The following NDEL1 variants were observed in gnomAD, a reference collection of about 807,000 sequenced individuals.
NDEL1 encodes nudE neurodevelopment protein 1 like 1.
NDEL1 carries 9 observed loss-of-function variants against 45.7 expected under a neutral mutation model. The ratio of observed to expected loss-of-function variants is 0.20; its 90% confidence interval spans 0.12 to 0.34. The LOEUF (loss-of-function observed/expected upper bound fraction) is 0.34, where lower values mean the gene tolerates loss of function less well. Among genes scored for constraint, NDEL1 ranks in the 10% least tolerant of loss-of-function variants. NDEL1 has a pLI of 1.00. For synonymous variants in NDEL1, 133 were observed against 158.6 expected, an observed-to-expected ratio of 0.84 and a Z score of 1.21; for missense variants, 306 against 406.2, an observed-to-expected ratio of 0.75 and a Z score of 2.12.
Position 8,418,842 on chromosome 17 carries a change from T to C in NDEL1, c.-13+5573T>C, listed in dbSNP as rs79930702. Among the ~76,000 whole-genome samples the C allele has an allele frequency of 4.0e-5, 6 of 148,332 alleles. No individual in the cohort carries two copies. In the East Asian group the frequency reaches 1.2e-3, roughly 31 times the overall value. ...CTTCCTCTCTCTCTCTCTCTTTCTC[T>C]TTCTCTCTCTTCTTTTTTATTTTTT... On this transcript the variant is annotated intron_variant, in intron 1 of 4. Coordinates refer to the NDEL1 transcript ENST00000582812.
Position 8,467,583 on chromosome 17 carries a change from A to C in NDEL1, c.*560A>C. On this transcript the variant is annotated 3_prime_UTR_variant, in exon 9 of 9. Coordinates refer to ENST00000334527, the MANE Select transcript of NDEL1 (RefSeq NM_030808.5). The surrounding 1 kb of genome is among the most constrained non-coding windows in gnomAD (Gnocchi z 6.3). ...TTTCTGCACCTTCTGATTTTACTTA[A>C]GCAGCTACCATTCCATGGACTTGCC... is the stretch of plus-strand genomic sequence containing the variant. 1 of 181,414 alleles carries C rather than the reference A, an allele frequency of 5.5e-6. No homozygotes were observed. The highest frequency in any genetic ancestry group is 1.4e-4 in the East Asian group (1 of 7,222). The allele number at this position is 181,414 out of a possible 1,614,324, so 11.2% of individuals were successfully genotyped here. A position where few individuals can be genotyped will look rare whatever the true frequency, so the allele number is the denominator to read the frequency against.
rs1395487083 is a variant in NDEL1, at chr17:8,450,576, A to ATTT, written c.527-201_527-199dup. On this transcript the variant is annotated intron_variant, in intron 5 of 8. Coordinates refer to ENST00000334527, the MANE Select transcript of NDEL1 (RefSeq NM_030808.5). Reference sequence around the variant, plus strand: ...TAAGTAACTTCTCTCAGGTTATAGCATTTTTAAATTCTAAAAGATCATTTA... The same window carrying ATTT: ...TAAGTAACTTCTCTCAGGTTATAGCATTTTTTTTAAATTCTAAAAGATCATTTA... Among the ~76,000 whole-genome samples the ATTT allele has an allele frequency of 3.3e-5, 5 of 152,194 alleles. No homozygotes were observed. The South Asian group carries it at 1.0e-3, about 31-fold the overall frequency.
chr17:8,447,547 T>C (rs1910163111), intron 4 of NDEL1, among the ~76,000 whole-genome samples: 2 of 152,252 alleles, frequency 1.3e-5, no homozygotes, highest in Non-Finnish European at 2.9e-5. Flanking sequence ...TCATATCTTA[T>C]ACCTGGATTC....
chr17:8,424,587 C>T (rs760077664), intron 1 of NDEL1, among the ~76,000 whole-genome samples: 5 of 152,200 alleles, frequency 3.3e-5, no homozygotes, highest in Non-Finnish European at 7.3e-5. Context: ...CAGGAAGCAC[C>T]GCCTCCCGGG....
chr17:8,470,178 G>A (rs553661036), downstream of NDEL1, among the ~76,000 whole-genome samples: 82 of 152,244 alleles, frequency 5.4e-4, 1 homozygote, highest in African/African-American at 1.9e-3. This position sits in a 1 kb window ranked among gnomAD's most constrained non-coding sequence, Gnocchi z 4.2. Context: ...ATGCCGCTAC[G>A]TACCGTTTGC....
intron 1 of NDEL1, among the ~76,000 whole-genome samples, chr17:8,427,371 T>C (rs1189238334): frequency 7.9e-5 from 12 of 152,150 alleles, no homozygotes; most frequent in Non-Finnish European, 1.6e-4. Context: ...ATAGTGAGCA[T>C]TTTTGAATCG....
At chr17:8,414,646 G>A (rs1015635865) in intron 1 of NDEL1, among the ~76,000 whole-genome samples, 4 of 151,912 alleles carry the variant, frequency 2.6e-5, no homozygotes, top group Admixed American at 2.0e-4. Context: ...TAGCCTGGAC[G>A]ACAGAGCGAG....
intron 2 of NDEL1, chr17:8,444,564 ATAG>A (rs1201487854): frequency 2.3e-6 from 1 of 426,332 alleles, no homozygotes; most frequent in Non-Finnish European, 4.2e-6. Flanking sequence ...AATTATTAAA[ATAG>A]TAGGAAAACT....
upstream of NDEL1, chr17:8,435,827 C>T (rs1309070111): frequency 2.3e-6 from 1 of 444,180 alleles, no homozygotes; most frequent in Non-Finnish European, 4.5e-6. Flanking sequence ...CGTGCGCTGC[C>T]GCGCATGCTC....
At chr17:8,471,426 C>A (rs1248887769), downstream of NDEL1, among the ~76,000 whole-genome samples, 1 of 152,228 alleles carries the variant, frequency 6.6e-6, no homozygotes, top group Non-Finnish European at 1.5e-5. Flanking sequence ...TTGTGAGATA[C>A]AGGAGATGTG....
upstream of NDEL1, among the ~76,000 whole-genome samples, chr17:8,432,318 T>TATATAATATATATA (rs1491329750): frequency 4.0e-4 from 22 of 55,570 alleles, no homozygotes; most frequent in East Asian, 5.8e-4. Flanking sequence ...TATATATATA[T>TATATAATATATATA]TTATATATAA....
chr17:8,430,475 C>T (rs1247108450), intron 1 of NDEL1, among the ~76,000 whole-genome samples: 3 of 152,196 alleles, frequency 2.0e-5, no homozygotes, highest in Non-Finnish European at 4.4e-5. Context: ...AGCATCTTTA[C>T]TAGCTAGGGT....
intron 6 of NDEL1, among the ~76,000 whole-genome samples, chr17:8,453,018 C>T (rs1682013134): frequency 6.6e-6 from 1 of 152,168 alleles, no homozygotes; most frequent in South Asian, 2.1e-4. Flanking sequence ...AGAGTACAGG[C>T]ATGAGCCACC....
chr17:8,433,439 G>T (rs1298792498), upstream of NDEL1, among the ~76,000 whole-genome samples: 1 of 152,114 alleles, frequency 6.6e-6, no homozygotes, highest in Non-Finnish European at 1.5e-5. Context: ...TTATCCATTT[G>T]TAAACTGCTG....
intron 5 of NDEL1, among the ~76,000 whole-genome samples, chr17:8,448,965 C>T (rs1487000035): frequency 2.0e-5 from 3 of 152,164 alleles, no homozygotes; most frequent in Non-Finnish European, 1.5e-5. Flanking sequence ...CCTTACTGTC[C>T]CTATGCCAGA....
intron 1 of NDEL1, among the ~76,000 whole-genome samples, chr17:8,441,704 A>G (rs570845054): frequency 4.6e-5 from 7 of 151,890 alleles, no homozygotes; most frequent in Non-Finnish European, 7.4e-5. Flanking sequence ...TATCTGTTCT[A>G]TGGGATTCCT....
At chr17:8,427,503 C>G (rs1363805321) in intron 1 of NDEL1, among the ~76,000 whole-genome samples, 2 of 152,132 alleles carry the variant, frequency 1.3e-5, no homozygotes, top group Non-Finnish European at 2.9e-5. Context: ...GAGTTCAAGA[C>G]CTGTCTGGCC....
chr17:8,448,334 T>C (rs190652759), intron 4 of NDEL1, among the ~76,000 whole-genome samples: 5 of 152,174 alleles, frequency 3.3e-5, no homozygotes, highest in Admixed American at 6.5e-5. Context: ...CATTAAGGAA[T>C]AGATGGGAAT....
upstream of NDEL1, among the ~76,000 whole-genome samples, chr17:8,434,741 G>A (rs1422209276): frequency 6.6e-6 from 1 of 151,918 alleles, no homozygotes; most frequent in African/African-American, 2.4e-5. Flanking sequence ...ACACATACAC[G>A]TGTGTGTTTA....
Sources: allele counts gnomAD v4.1 joint callset (sites outside exome capture counted in the v4.1 genomes callset), GRCh38; gene constraint gnomAD v4.1.1; non-coding constraint Gnocchi (gnomAD v3.1); transcripts MANE v1.5; gene names NCBI Gene and HGNC (gene_info 2026-07-23, HGNC 2026-07-21).